Variants in C1orf21 observed in about 807,000 individuals in gnomAD.
C1orf21 encodes the protein uncharacterized protein C1orf21.
In C1orf21, 3 loss-of-function variants were observed where a neutral mutation model predicts 18.7. The observed-to-expected ratio is 0.16, with a 90% CI of 0.07 to 0.42. C1orf21 has a LOEUF of 0.42. C1orf21 is among the 10% of genes least tolerant of loss of function. The pLI, the probability that C1orf21 is intolerant of heterozygous loss-of-function variation, is 0.99. For synonymous variants in C1orf21, 41 were observed against 46.4 expected (o/e 0.88, Z 0.47); for missense variants, 104 against 143.6 (o/e 0.72, Z 1.41).
At position 184,573,403 on chromosome 1, in the gene C1orf21, G is replaced by A. The variant is rs144764916; in HGVS notation, c.190-17336G>A. Among the ~76,000 whole-genome samples the A allele has an allele frequency of 1.8e-4, 27 of 152,182 alleles. 1 individual carries two copies. The East Asian group carries it at 4.6e-3, about 26-fold the overall frequency. On this transcript the variant is annotated intron_variant, in intron 3 of 5. Coordinates refer to ENST00000235307, the MANE Select transcript of C1orf21 (RefSeq NM_030806.4). ...GTCCTAGAAAACGTAACATTCCTAC[G>A]CGTGATGTTAACATCATTCTCGAAG...
At chr1:184,397,371 G>C (rs1447422203) in intron 1 of C1orf21, among the ~76,000 whole-genome samples, 4 of 152,132 alleles carry the variant, frequency 2.6e-5, no homozygotes, top group African/African-American at 9.7e-5. Flanking sequence ...CAGGTCACAA[G>C]GTCAGGAGAT....
chr1:184,576,104 A>G (rs1659185627), intron 3 of C1orf21, among the ~76,000 whole-genome samples: 1 of 152,018 alleles, frequency 6.6e-6, no homozygotes, highest in South Asian at 2.1e-4. Flanking sequence ...GAGGTAAATC[A>G]AGTTGAGTTT....
intron 2 of C1orf21, among the ~76,000 whole-genome samples, chr1:184,486,410 G>A (rs956216928): frequency 2.6e-5 from 4 of 152,138 alleles, no homozygotes; most frequent in Admixed American, 6.5e-5. Flanking sequence ...GGTAATAATG[G>A]TATCCACCAC....
intron 1 of C1orf21, among the ~76,000 whole-genome samples, chr1:184,420,688 C>T (rs1656534040): frequency 6.6e-6 from 1 of 152,066 alleles, no homozygotes; most frequent in Non-Finnish European, 1.5e-5. Context: ...TCAAAATGTA[C>T]TTTTATCTGG....
chr1:184,524,583 T>C (rs551201692), intron 3 of C1orf21, among the ~76,000 whole-genome samples: 1 of 152,270 alleles, frequency 6.6e-6, no homozygotes, highest in South Asian at 2.1e-4. Flanking sequence ...CTGTACATTC[T>C]TCCATTCAGT....
chr1:184,579,447 C>A (rs1188521185), intron 3 of C1orf21, among the ~76,000 whole-genome samples: 2 of 128,950 alleles, frequency 1.6e-5, no homozygotes, highest in African/African-American at 5.6e-5. Flanking sequence ...TGGTCTTGAA[C>A]TCCTGGCCTC....
At chr1:184,567,373 G>C (rs1019056612) in intron 3 of C1orf21, 6 of 491,004 alleles carry the variant, frequency 1.2e-5, no homozygotes, top group Admixed American at 1.1e-4. Flanking sequence ...CCACCTACCA[G>C]CTCTTGTTTG....
intron 3 of C1orf21, among the ~76,000 whole-genome samples, chr1:184,557,484 AG>A (rs1482618768): frequency 6.6e-6 from 1 of 152,140 alleles, no homozygotes; most frequent in African/African-American, 2.4e-5. Flanking sequence ...CCCACTTATG[AG>A]TGAGAACGTA....
At position 184,627,222 on chromosome 1, in the gene C1orf21, C is replaced by CT. The variant is rs1660028254; in HGVS notation, c.*7667dup. 1 of 152,270 alleles carries CT rather than the reference C, an allele frequency of 6.6e-6. No homozygotes were observed. The highest frequency in any genetic ancestry group is 2.4e-5 in the African/African-American group (1 of 41,434). 9.4% of individuals were successfully genotyped at this position (152,270 alleles called of 1,614,324 possible). A position where few individuals can be genotyped will look rare whatever the true frequency, so the allele number is the denominator to read the frequency against. On this transcript the variant is annotated 3_prime_UTR_variant, in exon 6 of 6. Coordinates refer to ENST00000235307, the MANE Select transcript of C1orf21 (RefSeq NM_030806.4). The stretch of plus-strand genomic sequence containing the variant: ...GGGAAGGCTCAGAGACAAGCAGAAT[C>CT]TCTCTATGGAGACAACTTGCAGTGC...
chr1:184,424,315 C>A (rs1391542477), intron 1 of C1orf21, among the ~76,000 whole-genome samples: 1 of 152,152 alleles, frequency 6.6e-6, no homozygotes, highest in African/African-American at 2.4e-5. Flanking sequence ...CAATTCATAT[C>A]TCAGCCCTCA....
chr1:184,501,685 A>G (rs1657978534), intron 2 of C1orf21, among the ~76,000 whole-genome samples: 2 of 152,228 alleles, frequency 1.3e-5, no homozygotes. Flanking sequence ...GTTGAAGTAA[A>G]GAAGAAACAC....
At chr1:184,397,806 A>G (rs1422139434) in intron 1 of C1orf21, among the ~76,000 whole-genome samples, 1 of 152,210 alleles carries the variant, frequency 6.6e-6, no homozygotes, top group Non-Finnish European at 1.5e-5. Flanking sequence ...TTGTGAATTT[A>G]TAAGTGTGTG....
rs140897730 is a variant in C1orf21 at position 184,439,063 on chromosome 1, T to C, written c.-124-38323T>C. 4.1e-3 allele frequency among the ~76,000 whole-genome samples: 630 copies of C among 151,980 alleles called. 3 individuals carry two copies. Among genetic ancestry groups the C allele is most frequent in the Non-Finnish European group, 7.4e-3 (502 of 67,958 alleles). On this transcript the variant is annotated intron_variant, in intron 1 of 5. Transcript: ENST00000235307. ...CCATTTCTACTAAAAATATAAAAACTGGCCAGGCGTGGTGGTGCATGCCTG... is the reference window on the plus strand; with the variant it reads ...CCATTTCTACTAAAAATATAAAAACCGGCCAGGCGTGGTGGTGCATGCCTG...
intron 1 of C1orf21, among the ~76,000 whole-genome samples, chr1:184,461,435 A>T: frequency 6.6e-6 from 1 of 152,168 alleles, no homozygotes; most frequent in East Asian, 1.9e-4. Flanking sequence ...TCTGCTCCTG[A>T]TCATTGCTGC....
chr1:184,565,178 A>G (rs929144279), intron 3 of C1orf21, among the ~76,000 whole-genome samples: 7 of 152,350 alleles, frequency 4.6e-5, no homozygotes, highest in Admixed American at 1.3e-4. Context: ...GTGTGCACAC[A>G]CATATGCACA....
rs1300553041 is a variant in C1orf21 at position 184,394,057 on chromosome 1, A to G, written c.-125+6689A>G. On this transcript the variant is annotated intron_variant, in intron 1 of 5. Transcript: ENST00000235307. ...GCCCTATCAGTAGGGTCAGTGGGGA[A>G]AAAAGTAAACTGAGCACTACTACTG... 2.0e-5 allele frequency among the ~76,000 whole-genome samples: 3 copies of G among 152,304 alleles called. No homozygotes were observed. The South Asian group carries it at 6.2e-4, about 32-fold the overall frequency.
intron 3 of C1orf21, among the ~76,000 whole-genome samples, chr1:184,543,775 T>G (rs1296720495): frequency 6.6e-6 from 1 of 152,234 alleles, no homozygotes; most frequent in Non-Finnish European, 1.5e-5. Flanking sequence ...GGTAGGAGAC[T>G]TACAATGATT....
At chr1:184,513,849 C>T (rs1448387442) in intron 3 of C1orf21, among the ~76,000 whole-genome samples, 1 of 152,176 alleles carries the variant, frequency 6.6e-6, no homozygotes, top group African/African-American at 2.4e-5. Context: ...AAATTCTGTG[C>T]TCAGATTATT....
In C1orf21 at chr1:184,400,261, A is replaced by G. The variant is rs1010386074; in HGVS notation, c.-125+12893A>G. On this transcript the variant is annotated intron_variant, in intron 1 of 5. Transcript: ENST00000235307. Reference sequence around the variant, plus strand: ...ACCCCAGATCTTTTTAGTGGTAAACAGTATTTCGAGACCACAGTACAGTTG... The same window carrying G: ...ACCCCAGATCTTTTTAGTGGTAAACGGTATTTCGAGACCACAGTACAGTTG... Among the ~76,000 whole-genome samples the G allele has an allele frequency of 2.0e-5, 3 of 152,302 alleles. No homozygotes were observed. The South Asian group carries it at 6.2e-4, about 32-fold the overall frequency.
Sources: gnomAD v4.1 joint callset for allele counts (sites outside exome capture counted in the v4.1 genomes callset) on GRCh38, gnomAD v4.1.1 for gene constraint, MANE v1.5 for transcripts, NCBI Gene and HGNC (gene_info 2026-07-23, HGNC 2026-07-21) for gene names.